The following TNFSF4 variants were observed in gnomAD, a reference collection of about 807,000 sequenced individuals.
TNFSF4 encodes tumor necrosis factor ligand superfamily member 4.
In TNFSF4, 4 loss-of-function variants were observed where a neutral mutation model predicts 7.3. The ratio of observed to expected loss-of-function variants is 0.55; its 90% CI spans 0.27 to 1.25. The LOEUF (loss-of-function observed/expected upper bound fraction) is 1.25, where lower values mean the gene tolerates loss of function less well. Among genes scored for constraint, TNFSF4 ranks in the 50% most tolerant of loss-of-function variants. The pLI, the probability that TNFSF4 is intolerant of heterozygous loss-of-function variation, is 0.12. For synonymous variants in TNFSF4, 76 were observed against 83.7 expected (o/e 0.91, Z 0.50); for missense variants, 181 against 208.8 (o/e 0.87, Z 0.82).
the TNFSF4 span, among the ~76,000 whole-genome samples, chr1:173,344,266 C>T: frequency 1.3e-5 from 2 of 152,162 alleles, no homozygotes; most frequent in African/African-American, 2.4e-5. Context: ...GTAAATAGCA[C>T]CTGCAGAATT....
At chr1:173,236,005 A>C in the TNFSF4 span, among the ~76,000 whole-genome samples, 1 of 152,324 alleles carries the variant, frequency 6.6e-6, no homozygotes, top group Middle Eastern at 3.4e-3. Context: ...CAACTTAAAA[A>C]AATATATAGA....
At chr1:173,240,593 T>C in the TNFSF4 span, among the ~76,000 whole-genome samples, 1 of 152,218 alleles carries the variant, frequency 6.6e-6, no homozygotes, top group Non-Finnish European at 1.5e-5. Context: ...GCCTTGGCAA[T>C]CAGTGGTCAT....
chr1:173,272,018 A>G, the TNFSF4 span, among the ~76,000 whole-genome samples: 6 of 152,178 alleles, frequency 3.9e-5, no homozygotes, highest in Non-Finnish European at 7.4e-5. Context: ...CCATGCATCC[A>G]TAAAATGTAT....
At chr1:173,392,036 T>C in the TNFSF4 span, among the ~76,000 whole-genome samples, 6 of 152,178 alleles carry the variant, frequency 3.9e-5, no homozygotes, top group Non-Finnish European at 8.8e-5. Flanking sequence ...GAGATAATAC[T>C]AATTCCTGAA....
the TNFSF4 span, among the ~76,000 whole-genome samples, chr1:173,371,538 T>C: frequency 2.0e-5 from 3 of 152,132 alleles, no homozygotes; most frequent in Non-Finnish European, 4.4e-5. Flanking sequence ...TCAAAGGCAA[T>C]ATCCCTTAAG....
At chr1:173,395,074 G>GCT in the TNFSF4 span, among the ~76,000 whole-genome samples, 9 of 147,882 alleles carry the variant, frequency 6.1e-5, no homozygotes, top group South Asian at 2.1e-4. Context: ...TAGATAGATA[G>GCT]ATAGCTATAA....
At chr1:173,225,098 A>T in the TNFSF4 span, among the ~76,000 whole-genome samples, 1 of 152,180 alleles carries the variant, frequency 6.6e-6, no homozygotes, top group African/African-American at 2.4e-5. Flanking sequence ...ACTGTGTCTC[A>T]TACTCCCCTT....
chr1:173,209,965 T>C (rs1392149209), upstream of TNFSF4, among the ~76,000 whole-genome samples: 4 of 151,868 alleles, frequency 2.6e-5, no homozygotes, highest in East Asian at 1.9e-4. Flanking sequence ...ACAGAAAATA[T>C]GGAAAAGAAA....
chr1:173,279,967 C>A, the TNFSF4 span, among the ~76,000 whole-genome samples: 1 of 152,028 alleles, frequency 6.6e-6, no homozygotes, highest in Admixed American at 6.6e-5. Context: ...TTATAAACTG[C>A]CTTCTGCCAA....
At chr1:173,341,787 G>A in the TNFSF4 span, among the ~76,000 whole-genome samples, 2 of 152,138 alleles carry the variant, frequency 1.3e-5, no homozygotes, top group African/African-American at 2.4e-5. Context: ...TATGCGCTCT[G>A]ATTTTTCCAT....
chr1:173,228,068 T>A, the TNFSF4 span, among the ~76,000 whole-genome samples: 1 of 152,166 alleles, frequency 6.6e-6, no homozygotes, highest in African/African-American at 2.4e-5. Flanking sequence ...TGTCCCTGTT[T>A]GAAGAGGAGT....
the TNFSF4 span, among the ~76,000 whole-genome samples, chr1:173,280,665 T>C: frequency 6.6e-6 from 1 of 152,180 alleles, no homozygotes; most frequent in Non-Finnish European, 1.5e-5. Flanking sequence ...CTATGGAAGC[T>C]TGTCTGCTTC....
chr1:173,285,664 T>G, the TNFSF4 span, among the ~76,000 whole-genome samples: 1 of 152,304 alleles, frequency 6.6e-6, no homozygotes, highest in East Asian at 1.9e-4. Context: ...CAGGCAAGTT[T>G]CTCTACCAGC....
the TNFSF4 span, among the ~76,000 whole-genome samples, chr1:173,384,099 C>T: frequency 1.3e-5 from 2 of 152,292 alleles, no homozygotes; most frequent in Admixed American, 1.3e-4. Flanking sequence ...ATTGCCTACA[C>T]TTAACTGGTT....
At chr1:173,360,571 G>T in the TNFSF4 span, among the ~76,000 whole-genome samples, 5 of 152,222 alleles carry the variant, frequency 3.3e-5, no homozygotes, top group Admixed American at 3.3e-4. Flanking sequence ...TTGCTTTTAT[G>T]ACCTTGGCTT....
At chr1:173,422,433 G>C in the TNFSF4 span, among the ~76,000 whole-genome samples, 1 of 151,996 alleles carries the variant, frequency 6.6e-6, no homozygotes, top group Non-Finnish European at 1.5e-5. Context: ...AAGGGATGGA[G>C]AGCCCAGTGA....
chr1:173,241,833 T>G, the TNFSF4 span, among the ~76,000 whole-genome samples: 1 of 152,046 alleles, frequency 6.6e-6, no homozygotes, highest in African/African-American at 2.4e-5. Flanking sequence ...TGCAGGAAGG[T>G]GAAACCCATT....
At chr1:173,177,291 A>AC in the TNFSF4 span, among the ~76,000 whole-genome samples, 1 of 152,190 alleles carries the variant, frequency 6.6e-6, no homozygotes, top group Non-Finnish European at 1.5e-5. Context: ...TGTCCTCTGC[A>AC]GCAACATGGA....
the TNFSF4 span, among the ~76,000 whole-genome samples, chr1:173,273,916 A>T: frequency 1.3e-5 from 2 of 152,092 alleles, no homozygotes; most frequent in African/African-American, 4.8e-5. Context: ...TTTCTATAAG[A>T]GATATGCATT....
Sources: allele counts gnomAD v4.1 joint callset (sites outside exome capture counted in the v4.1 genomes callset), GRCh38; gene constraint gnomAD v4.1.1; transcripts MANE v1.5; gene names NCBI Gene and HGNC (gene_info 2026-07-23, HGNC 2026-07-21).